Variants in ATP13A3 observed in about 807,000 individuals in gnomAD.
ATP13A3 encodes the protein polyamine-transporting ATPase 13A3.
ATP13A3 carries 59 observed loss-of-function variants against 158.1 expected under a neutral mutation model. The ratio of observed to expected loss-of-function variants is 0.37; its 90% CI spans 0.30 to 0.46. The LOEUF (loss-of-function observed/expected upper bound fraction) is 0.46, where lower values mean the gene tolerates loss of function less well. ATP13A3 is among the 20% of genes least tolerant of loss of function. The pLI, the probability that ATP13A3 is intolerant of heterozygous loss-of-function variation, is 1.00. For missense variants in ATP13A3, 1,166 were observed against 1,525.2 expected, an observed-to-expected ratio of 0.76 and a Z score of 3.92; for synonymous variants, 491 against 504.3, an observed-to-expected ratio of 0.97 and a Z score of 0.35.
At position 194,483,640 on chromosome 3, in the gene ATP13A3, C is replaced by T. The variant is rs57591095; in HGVS notation, c.-47+2154G>A. Among the ~76,000 whole-genome samples the T allele has an allele frequency of 3.3e-3, 502 of 152,178 alleles. 5 individuals are homozygous for T. The highest frequency in any genetic ancestry group is 0.012 in the African/African-American group (483 of 41,500). Reference sequence around the variant, plus strand: ...ACTACAGATTTACTCTCTCCATAGGCCAATTAGCTTCATTTTCACAAAAAC... The same window carrying T: ...ACTACAGATTTACTCTCTCCATAGGTCAATTAGCTTCATTTTCACAAAAAC... On this transcript the variant is annotated intron_variant, in intron 2 of 33. Coordinates refer to ENST00000645319, the MANE Select transcript of ATP13A3 (RefSeq NM_001367549.1).
At chr3:194,431,643 C>T (rs1717228040) in intron 22 of ATP13A3, 74 bp downstream of exon 22, 2 of 1,371,338 alleles carry the variant, frequency 1.5e-6, no homozygotes, top group South Asian at 1.8e-5. Context: ...TGTTTTAATG[C>T]ACCACTTTTT....
At chr3:194,476,574 C>G in intron 2 of ATP13A3, among the ~76,000 whole-genome samples, 1 of 152,148 alleles carries the variant, frequency 6.6e-6, no homozygotes, top group African/African-American at 2.4e-5. Context: ...CTACCCTTCT[C>G]AAATCCACCT....
At chr3:194,454,655 G>A (rs998196397) in intron 8 of ATP13A3, among the ~76,000 whole-genome samples, 16 of 151,872 alleles carry the variant, frequency 1.1e-4, no homozygotes, top group South Asian at 8.3e-4. Context: ...GTGAAACCCT[G>A]TCTCTACTAA....
In ATP13A3 at chr3:194,494,292, G is replaced by C. The variant is rs1443134265; in HGVS notation, n.516-12C>G. The C allele has an allele frequency of 2.5e-6, 1 of 398,472 alleles. No homozygotes were observed. Among genetic ancestry groups the C allele is most frequent in the African/African-American group, 2.1e-5 (1 of 48,588 alleles). The allele number at this position is 398,472 out of a possible 1,614,324, so 24.7% of individuals were successfully genotyped here. On this transcript the variant is annotated splice_polypyrimidine_tract_variant and intron_variant and non_coding_transcript_variant, in intron 1 of 32. Coordinates refer to the ATP13A3 transcript ENST00000687055. This position sits in a 1 kb window ranked among gnomAD's most constrained non-coding sequence, Gnocchi z 4.2. ...AGTCAGAAAGTATGCTGAGTAAGTG[G>C]AGAACAAGTTAACATTGATTTTCAC...
At position 194,419,811 on chromosome 3, in the gene ATP13A3, T is replaced by C. The variant is rs559971011; in HGVS notation, c.3402+68A>G. 7.9e-6 allele frequency: 12 copies of C among 1,515,482 alleles called. No homozygotes were observed. The African/African-American group carries it at 1.6e-4, about 20-fold the overall frequency. The allele number at this position is 1,515,482 out of a possible 1,614,324, so 93.9% of individuals were successfully genotyped here. A position where few individuals can be genotyped will look rare whatever the true frequency, so the allele number is the denominator to read the frequency against. ...TCTTAGAATACACAAAAAGAAGAGA[T>C]CCTGGAAAAAAAGAAATGTATACAG... On this transcript the variant is annotated intron_variant, in intron 31 of 33. Coordinates refer to ENST00000645319, the MANE Select transcript of ATP13A3 (RefSeq NM_001367549.1).
At chr3:194,439,874 C>A (rs1717919857) in intron 16 of ATP13A3, among the ~76,000 whole-genome samples, 1 of 152,206 alleles carries the variant, frequency 6.6e-6, no homozygotes, top group Admixed American at 6.5e-5. Context: ...TACTGAAAAT[C>A]TATTCAGTTG....
Position 194,458,876 on chromosome 3 carries a change from T to C in ATP13A3, c.479+595A>G, listed in dbSNP as rs1053949898. On this transcript the variant is annotated intron_variant, in intron 6 of 33. Coordinates refer to ENST00000645319, the MANE Select transcript of ATP13A3 (RefSeq NM_001367549.1). ...ATGAATATTTTAAATGTTCATAACA[T>C]GATTTTCTTTTTACCGCTAAAATTA... Among the ~76,000 whole-genome samples, 11 of 152,206 alleles carry C rather than the reference T, an allele frequency of 7.2e-5. No individual in the cohort carries two copies. In the East Asian group the frequency reaches 1.7e-3, roughly 24 times the overall value.
intron 2 of ATP13A3, among the ~76,000 whole-genome samples, chr3:194,484,222 G>C (rs1055947416): frequency 6.6e-6 from 1 of 152,098 alleles, no homozygotes; most frequent in African/African-American, 2.4e-5. Flanking sequence ...CGCTTATACT[G>C]TAAGCTCCTT....
chr3:194,456,094 T>A, intron 7 of ATP13A3, 132 bp from the exon 8 acceptor site: 1 of 510,130 alleles, frequency 2.0e-6, no homozygotes, highest in South Asian at 3.7e-5. Flanking sequence ...TCTTCTATAA[T>A]TCAAACTCTC....
chr3:194,411,479 C>G (rs939023137), intron 33 of ATP13A3, among the ~76,000 whole-genome samples: 1 of 152,162 alleles, frequency 6.6e-6, no homozygotes, highest in Non-Finnish European at 1.5e-5. Flanking sequence ...AAAAATAAGT[C>G]CAATCTGTAT....
At chr3:194,430,440 A>C (rs1717135056) in intron 24 of ATP13A3, 125 bp from the exon 25 acceptor site, 4 of 1,088,492 alleles carry the variant, frequency 3.7e-6, no homozygotes, top group Non-Finnish European at 5.4e-6. Context: ...CAGTGGAACT[A>C]TGAATCTTTT....
At chr3:194,438,806 A>C (rs1717843057) in intron 17 of ATP13A3, 50 bp downstream of exon 17, 28 of 1,234,110 alleles carry the variant, frequency 2.3e-5, no homozygotes, top group Non-Finnish European at 3.2e-5. Flanking sequence ...AATTAAAAAT[A>C]AATATAAGTA....
At chr3:194,486,100 G>A (rs185858387) in intron 1 of ATP13A3, among the ~76,000 whole-genome samples, 1 of 152,300 alleles carries the variant, frequency 6.6e-6, no homozygotes, top group East Asian at 1.9e-4. Flanking sequence ...CTGCCACAGA[G>A]TCCGAGTGGG....
In ATP13A3 at chr3:194,403,709, T is replaced by G. The variant is rs1466333304; in HGVS notation, c.*2210A>C. On this transcript the variant is annotated 3_prime_UTR_variant, in exon 34 of 34. Coordinates refer to ENST00000645319, the MANE Select transcript of ATP13A3 (RefSeq NM_001367549.1). Reference sequence around the variant, plus strand: ...GTAATGGTAACCTACGAGAGAAGACTCAGTCTATCTATGGCACTGAGTAGA... The same window carrying G: ...GTAATGGTAACCTACGAGAGAAGACGCAGTCTATCTATGGCACTGAGTAGA... 6.4e-6 allele frequency: 1 copy of G among 156,552 alleles called. No homozygotes were observed. The highest frequency in any genetic ancestry group is 2.4e-5 in the African/African-American group (1 of 41,468). The allele number at this position is 156,552 out of a possible 1,614,324, so 9.7% of individuals were successfully genotyped here.
At chr3:194,464,248 T>A (rs1046150102) in intron 2 of ATP13A3, among the ~76,000 whole-genome samples, 8 of 152,184 alleles carry the variant, frequency 5.3e-5, no homozygotes, top group African/African-American at 1.7e-4. Flanking sequence ...AATATGTGAA[T>A]ACATAAACAT....
Position 194,486,967 on chromosome 3 carries a change from G to C in ATP13A3, c.-490C>G, listed in dbSNP as rs1422862673. 2 of 150,426 alleles carry C rather than the reference G, an allele frequency of 1.3e-5. No individual in the cohort carries two copies. Among genetic ancestry groups the C allele is most frequent in the East Asian group, 1.9e-4 (1 of 5,158 alleles). 9.3% of individuals were successfully genotyped at this position (150,426 alleles called of 1,614,324 possible). A position where few individuals can be genotyped will look rare whatever the true frequency, so the allele number is the denominator to read the frequency against. On this transcript the variant is annotated 5_prime_UTR_variant, in exon 1 of 34. Coordinates refer to ENST00000645319, the MANE Select transcript of ATP13A3 (RefSeq NM_001367549.1). The stretch of plus-strand genomic sequence containing the variant: ...CCCGATCACGCTGCGGGGAGAGCCG[G>C]CAGGCAGGCGGGGGAGCGCGCGCGG...
chr3:194,487,079 C>A (rs1264418013), upstream of ATP13A3: 2 of 140,706 alleles, frequency 1.4e-5, no homozygotes, highest in Non-Finnish European at 3.1e-5. Flanking sequence ...CGTCAGGAGG[C>A]GGGGAAGGGG....
intron 2 of ATP13A3, among the ~76,000 whole-genome samples, chr3:194,476,704 T>A (rs1327446338): frequency 6.6e-6 from 1 of 152,120 alleles, no homozygotes; most frequent in Non-Finnish European, 1.5e-5. Flanking sequence ...CTTCAGTAGC[T>A]TCCCGTTGTC....
chr3:194,411,854 A>G (rs892931633), intron 33 of ATP13A3, among the ~76,000 whole-genome samples: 12 of 152,200 alleles, frequency 7.9e-5, no homozygotes, highest in African/African-American at 2.9e-4. Flanking sequence ...ACTCATGAAA[A>G]ACAAAAACAT....
Sources: gnomAD v4.1 joint callset for allele counts (sites outside exome capture counted in the v4.1 genomes callset) on GRCh38, gnomAD v4.1.1 for gene constraint, Gnocchi (gnomAD v3.1) non-coding constraint, MANE v1.5 for transcripts, NCBI Gene and HGNC (gene_info 2026-07-23, HGNC 2026-07-21) for gene names.